Variants in UBE2L6 observed in about 807,000 individuals in gnomAD.
The protein encoded by UBE2L6 is ubiquitin/ISG15-conjugating enzyme E2 L6.
In UBE2L6, 11 loss-of-function variants were observed where a neutral mutation model predicts 13.6. That is an observed-to-expected ratio of 0.81 (90% CI 0.51 to 1.34). The LOEUF (loss-of-function observed/expected upper bound fraction) is 1.34, where lower values mean the gene tolerates loss of function less well. Among genes scored for constraint, UBE2L6 ranks in the 40% most tolerant of loss-of-function variants. UBE2L6 has a pLI of 0.00. For synonymous variants in UBE2L6, 74 were observed against 83.2 expected, an observed-to-expected ratio of 0.89 and a Z score of 0.60; for missense variants, 197 against 199.5, an observed-to-expected ratio of 0.99 and a Z score of 0.07.
intron 1 of UBE2L6, among the ~76,000 whole-genome samples, chr11:57,564,575 G>T (rs962165074): frequency 6.6e-6 from 1 of 152,186 alleles, no homozygotes; most frequent in East Asian, 1.9e-4. Flanking sequence ...GGCCAAAGCC[G>T]GTGGATCACC....
intron 2 of UBE2L6, among the ~76,000 whole-genome samples, chr11:57,557,646 G>A (rs192017615): frequency 3.3e-5 from 5 of 152,116 alleles, no homozygotes; most frequent in African/African-American, 7.2e-5. Context: ...CGCCCTCCTC[G>A]GCCTCCCAAA....
rs746548305 is a variant in UBE2L6, at chr11:57,554,519, G to C, written c.228C>G (p.His76Gln). ...PMIKFTTKIY[H>Q]PNVDENGQIC... ...TCTGTCCGTTCTCGTCCACGTTGGG[G>C]TGGTAGATCTTGGTTGTGAATTTGA... Residue 76 changes from histidine to glutamine, a missense_variant, in exon 3 of 4, where the codon CAC becomes CAG. By Grantham distance (24) the His-to-Gln change is conservative. Transcript: ENST00000287156. 6.2e-7 allele frequency: 1 copy of C among 1,614,200 alleles called. No individual in the cohort carries two copies. The highest frequency in any genetic ancestry group is 1.1e-5 in the South Asian group (1 of 91,084).
Position 57,567,566 on chromosome 11 carries a change from T to C in UBE2L6, c.27+19A>G, listed in dbSNP as rs753458632. ...GGCGAGGGGAGCCAAGAGAAAGGGG[T>C]CATCCTATACGCGGTTACCTTCACC... On this transcript the variant is annotated intron_variant, in intron 1 of 3. Transcript: ENST00000287156. The C allele has an allele frequency of 3.0e-5, 48 of 1,605,392 alleles. No homozygotes were observed. In the East Asian group the frequency reaches 9.4e-4, roughly 32 times the overall value.
intron 1 of UBE2L6, 194 bp downstream of exon 1, chr11:57,567,391 A>C: frequency 5.0e-6 from 4 of 804,128 alleles, no homozygotes; most frequent in Admixed American, 5.2e-5. Flanking sequence ...CCAAACCCCC[A>C]AAACCCCAGC....
At chr11:57,564,600 C>T (rs11604761) in intron 1 of UBE2L6, among the ~76,000 whole-genome samples, 186 of 152,200 alleles carry the variant, frequency 1.2e-3, no homozygotes, top group Non-Finnish European at 2.3e-3. Flanking sequence ...GTCAGGAGTT[C>T]GAGACCAGCC....
chr11:57,557,455 C>T (rs899621351), intron 2 of UBE2L6, among the ~76,000 whole-genome samples: 24 of 144,528 alleles, frequency 1.7e-4, no homozygotes, highest in African/African-American at 4.6e-4. Flanking sequence ...AGTGCAATGG[C>T]GTGATCTCGG....
chr11:57,560,803 G>A (rs561315415), intron 1 of UBE2L6, among the ~76,000 whole-genome samples: 1 of 151,840 alleles, frequency 6.6e-6, no homozygotes, highest in Non-Finnish European at 1.5e-5. Context: ...TGTATTTTTA[G>A]TAGAGACGGG....
chr11:57,554,066 T>C (rs1944979091), intron 3 of UBE2L6, among the ~76,000 whole-genome samples: 2 of 152,072 alleles, frequency 1.3e-5, no homozygotes, highest in Admixed American at 1.3e-4. Context: ...ACAGGTATTA[T>C]CATTATGAGG....
At chr11:57,567,419 G>T in intron 1 of UBE2L6, 166 bp downstream of exon 1, 5 of 1,015,510 alleles carry the variant, frequency 4.9e-6, no homozygotes, top group Non-Finnish European at 7.4e-6. Context: ...ACTCTTGCAG[G>T]CCAGTCCTCC....
Position 57,551,691 on chromosome 11 carries a change from G to A in UBE2L6, c.*667C>T, listed in dbSNP as rs1230865608. On this transcript the variant is annotated 3_prime_UTR_variant, in exon 4 of 4. Coordinates refer to ENST00000287156, the MANE Select transcript of UBE2L6 (RefSeq NM_004223.5). Reference sequence around the variant, plus strand: ...TCTCTGACTTTAATGGCTTAAGCAAGAACATGGTTTCCGTGGCTCCCCCTG... The same window carrying A: ...TCTCTGACTTTAATGGCTTAAGCAAAAACATGGTTTCCGTGGCTCCCCCTG... 1 of 152,266 alleles carries A rather than the reference G, an allele frequency of 6.6e-6. No homozygotes were observed. Among genetic ancestry groups the A allele is most frequent in the Non-Finnish European group, 1.5e-5 (1 of 68,104 alleles). 9.4% of individuals were successfully genotyped at this position (152,266 alleles called of 1,614,324 possible). A position where few individuals can be genotyped will look rare whatever the true frequency, so the allele number is the denominator to read the frequency against.
intron 2 of UBE2L6, 49 bp from the exon 3 acceptor site, chr11:57,554,672 C>T (rs200681697): frequency 1.6e-5 from 25 of 1,608,578 alleles, no homozygotes; most frequent in East Asian, 4.5e-5. Flanking sequence ...TTCCTCCCTT[C>T]CTGCCCCAAT....
intron 2 of UBE2L6, among the ~76,000 whole-genome samples, chr11:57,557,094 A>G (rs1383082289): frequency 1.3e-5 from 2 of 151,778 alleles, no homozygotes; most frequent in African/African-American, 2.4e-5. Flanking sequence ...AAAGAAAAGA[A>G]AAGAATTTGA....
chr11:57,556,441 G>A (rs757679621), intron 2 of UBE2L6, among the ~76,000 whole-genome samples: 46 of 152,008 alleles, frequency 3.0e-4, no homozygotes, highest in Middle Eastern at 3.4e-3. Context: ...AAAATTAGCC[G>A]GGTGTGGTGG....
intron 2 of UBE2L6, 36 bp from the exon 3 acceptor site, chr11:57,554,659 GTT>G: frequency 6.2e-7 from 1 of 1,612,094 alleles, no homozygotes; most frequent in East Asian, 2.2e-5. Flanking sequence ...CTCCAGTCTG[GTT>G]TTCCTCCCTT....
At position 57,552,328 on chromosome 11, in the gene UBE2L6, G is replaced by A. The variant is rs757531883; in HGVS notation, c.*30C>T. The A allele has an allele frequency of 1.9e-6, 3 of 1,612,834 alleles. No individual in the cohort carries two copies. In the South Asian group the frequency reaches 3.3e-5, roughly 18 times the overall value. ...AGGTGTGTCCGTCCGCTATGCCGAG[G>A]ATCCAGTGCACAGAGGGTCAGAACA... On this transcript the variant is annotated 3_prime_UTR_variant, in exon 4 of 4. Transcript: ENST00000287156.
At chr11:57,561,938 C>T (rs1411547610) in intron 1 of UBE2L6, among the ~76,000 whole-genome samples, 1 of 152,216 alleles carries the variant, frequency 6.6e-6, no homozygotes, top group African/African-American at 2.4e-5. Context: ...ACCAGTGGTT[C>T]TCAACCAGGG....
At chr11:57,559,207 G>A (rs1464955155) in intron 2 of UBE2L6, among the ~76,000 whole-genome samples, 1 of 152,168 alleles carries the variant, frequency 6.6e-6, no homozygotes, top group African/African-American at 2.4e-5. Context: ...TAACCCAAGG[G>A]ACTTGACAGA....
intron 2 of UBE2L6, among the ~76,000 whole-genome samples, chr11:57,556,046 A>T (rs1458436255): frequency 1.3e-5 from 2 of 152,190 alleles, no homozygotes; most frequent in African/African-American, 4.8e-5. Flanking sequence ...ACTTTGAGCC[A>T]CCTGAACACT....
At chr11:57,553,931 A>C (rs1944978020) in intron 3 of UBE2L6, among the ~76,000 whole-genome samples, 1 of 152,144 alleles carries the variant, frequency 6.6e-6, no homozygotes, top group South Asian at 2.1e-4. Context: ...CAACCACTTC[A>C]CCTCTCACAT....
Sources: gnomAD v4.1 joint callset for allele counts (sites outside exome capture counted in the v4.1 genomes callset) on GRCh38, gnomAD v4.1.1 for gene constraint, MANE v1.5 for transcripts, NCBI Gene and HGNC (gene_info 2026-07-23, HGNC 2026-07-21) for gene names.